The following THRB variants were observed in gnomAD, a reference collection of about 807,000 sequenced individuals.
The protein encoded by THRB is thyroid hormone receptor beta, also known as nuclear receptor subfamily 1 group A member 2.
In THRB, 12 loss-of-function variants were observed where a neutral mutation model predicts 47.8. The ratio of observed to expected loss-of-function variants is 0.25; its 90% confidence interval spans 0.16 to 0.41. The LOEUF is 0.41. Ranked by LOEUF, THRB falls within the 10% of genes least tolerant of loss-of-function variation. The probability of loss-of-function intolerance (pLI) is 1.00; values close to 1 mark genes in which losing one functional copy is unlikely to be tolerated. For missense variants in THRB, 348 were observed against 589.2 expected (o/e 0.59, Z 4.24); for synonymous variants, 218 against 212.2 (o/e 1.03, Z -0.24).
chr3:24,375,294 T>C (rs1194210651), intron 1 of THRB, among the ~76,000 whole-genome samples: 4 of 147,954 alleles, frequency 2.7e-5, no homozygotes, highest in African/African-American at 9.8e-5. Flanking sequence ...ATATAATGTT[T>C]AGAAATATAA....
At chr3:24,250,925 T>C (rs1370327270) in intron 3 of THRB, among the ~76,000 whole-genome samples, 1 of 152,090 alleles carries the variant, frequency 6.6e-6, no homozygotes, top group African/African-American at 2.4e-5. Context: ...TTATAGCATG[T>C]GACCAAAGGC....
At chr3:24,216,200 C>T (rs887542636) in intron 4 of THRB, among the ~76,000 whole-genome samples, 4 of 152,292 alleles carry the variant, frequency 2.6e-5, no homozygotes, top group Admixed American at 2.6e-4. Flanking sequence ...TGCAGGGCCA[C>T]ACATTTATTA....
Position 24,336,943 on chromosome 3 carries a change from C to T in THRB, c.-189+357G>A, listed in dbSNP as rs556364979. ...TTCACCATGTTAGCCAGGATGGTCT[C>T]GATCTCCTGACCTCATGATCCGCCT... On this transcript the variant is annotated intron_variant, in intron 2 of 10. Transcript: ENST00000646209. Among the ~76,000 whole-genome samples the T allele has an allele frequency of 8.9e-4, 135 of 152,108 alleles. 1 individual carries two copies. The highest frequency in any genetic ancestry group is 2.2e-3 in the African/African-American group (91 of 41,502).
chr3:24,220,627 A>G (rs2047056694), intron 4 of THRB, among the ~76,000 whole-genome samples: 1 of 152,120 alleles, frequency 6.6e-6, no homozygotes. Context: ...TCTAGAAGCA[A>G]TTGTCCGAAT....
At chr3:24,399,304 T>C (rs2067221030) in intron 1 of THRB, among the ~76,000 whole-genome samples, 1 of 152,014 alleles carries the variant, frequency 6.6e-6, no homozygotes, top group South Asian at 2.1e-4. Flanking sequence ...TCAGTCTACC[T>C]GAAGGGCATA....
chr3:24,224,191 G>A (rs189658146), intron 4 of THRB, among the ~76,000 whole-genome samples: 456 of 152,102 alleles, frequency 3.0e-3, no homozygotes, highest in Non-Finnish European at 4.4e-3. Context: ...GGAAATTATC[G>A]GAAAGATGCA....
chr3:24,390,801 T>TAA (rs2066510688), intron 1 of THRB, among the ~76,000 whole-genome samples: 1 of 143,124 alleles, frequency 7.0e-6, no homozygotes, highest in African/African-American at 2.6e-5. Context: ...AAAAAAAATA[T>TAA]ATATATATAT....
intron 1 of THRB, among the ~76,000 whole-genome samples, chr3:24,491,544 T>C (rs1266544933): frequency 6.6e-6 from 1 of 152,220 alleles, no homozygotes. Context: ...TAACATATGA[T>C]AACCATCAGG....
chr3:24,249,055 T>A (rs1463965977), intron 3 of THRB, among the ~76,000 whole-genome samples: 1 of 152,152 alleles, frequency 6.6e-6, no homozygotes, highest in Non-Finnish European at 1.5e-5. Context: ...CTTGTGAAAG[T>A]GCAGTAGCAG....
intron 1 of THRB, among the ~76,000 whole-genome samples, chr3:24,344,981 A>G (rs55889875): frequency 0.013 from 2,016 of 150,268 alleles, 21 homozygotes; most frequent in South Asian, 0.033. Flanking sequence ...TTAGCAGGGG[A>G]AAAAAAAAAT....
intron 1 of THRB, among the ~76,000 whole-genome samples, chr3:24,442,067 C>T (rs1560195734): frequency 6.6e-6 from 1 of 151,948 alleles, no homozygotes; most frequent in Non-Finnish European, 1.5e-5. Flanking sequence ...CTGTAGTATC[C>T]TTTTTTCAGG....
At chr3:24,325,810 G>A (rs2058768454) in intron 2 of THRB, among the ~76,000 whole-genome samples, 1 of 152,178 alleles carries the variant, frequency 6.6e-6, no homozygotes, top group African/African-American at 2.4e-5. Flanking sequence ...CCAAATGTTT[G>A]AGGTAGAAAA....
chr3:24,442,983 C>T (rs1166050651), intron 1 of THRB, among the ~76,000 whole-genome samples: 1 of 151,938 alleles, frequency 6.6e-6, no homozygotes, highest in Non-Finnish European at 1.5e-5. Flanking sequence ...GAGATCGAGA[C>T]CATCCTGGCC....
At chr3:24,482,975 T>G (rs1369303302) in intron 1 of THRB, among the ~76,000 whole-genome samples, 1 of 152,218 alleles carries the variant, frequency 6.6e-6, no homozygotes, top group Non-Finnish European at 1.5e-5. Flanking sequence ...TTCTTTTATA[T>G]GTTCTCTGCA....
At chr3:24,261,992 T>A (rs968918690) in intron 3 of THRB, among the ~76,000 whole-genome samples, 3 of 152,226 alleles carry the variant, frequency 2.0e-5, no homozygotes, top group Admixed American at 1.3e-4. Flanking sequence ...TCTGTCTCAA[T>A]GGCTTTAAAT....
chr3:24,448,175 C>A (rs2072291213), intron 1 of THRB, among the ~76,000 whole-genome samples: 1 of 152,104 alleles, frequency 6.6e-6, no homozygotes, highest in South Asian at 2.1e-4. Flanking sequence ...CAGAAATGGT[C>A]AGACTCTCTT....
intron 4 of THRB, among the ~76,000 whole-genome samples, chr3:24,206,269 A>C (rs1033171489): frequency 8.5e-5 from 13 of 152,222 alleles, no homozygotes; most frequent in African/African-American, 3.1e-4. Context: ...CTCCTCAGCA[A>C]ATGTAAAAGA....
At chr3:24,482,623 C>T (rs914494399) in intron 1 of THRB, among the ~76,000 whole-genome samples, 4 of 151,948 alleles carry the variant, frequency 2.6e-5, no homozygotes, top group African/African-American at 9.7e-5. Context: ...CCAGCTTCCA[C>T]CCTCTCACAA....
At chr3:24,285,180 C>T (rs573760326) in intron 3 of THRB, among the ~76,000 whole-genome samples, 8 of 149,832 alleles carry the variant, frequency 5.3e-5, no homozygotes, top group African/African-American at 2.0e-4. Flanking sequence ...TTGGAACCAA[C>T]CCAAATGTCC....
Sources: gnomAD v4.1 joint callset for allele counts (sites outside exome capture counted in the v4.1 genomes callset) on GRCh38, gnomAD v4.1.1 for gene constraint, MANE v1.5 for transcripts, NCBI Gene and HGNC (gene_info 2026-07-23, HGNC 2026-07-21) for gene names.